The following MYT1L variants were observed in gnomAD, a reference collection of about 807,000 sequenced individuals.
MYT1L encodes the protein myelin transcription factor 1 like.
Under a neutral mutation model 126.7 loss-of-function variants are expected in MYT1L, and 12 were observed. That is an observed-to-expected ratio of 0.09 (90% CI 0.06 to 0.15). The LOEUF (loss-of-function observed/expected upper bound fraction) is 0.15. MYT1L is among the 10% of genes least tolerant of loss of function. The probability of loss-of-function intolerance (pLI) is 1.00; values close to 1 mark genes in which losing one functional copy is unlikely to be tolerated. For missense variants in MYT1L, 979 were observed against 1,585.2 expected, an observed-to-expected ratio of 0.62 and a Z score of 6.49; for synonymous variants, 541 against 604.2, an observed-to-expected ratio of 0.90 and a Z score of 1.53.
chr2:2,295,745 G>C (rs867272879), intron 1 of MYT1L, among the ~76,000 whole-genome samples: 1 of 137,614 alleles, frequency 7.3e-6, no homozygotes, highest in Non-Finnish European at 1.7e-5. Context: ...GACAGACAGA[G>C]AGAGAGAGAC....
Position 2,233,405 on chromosome 2 carries a change from G to T in MYT1L, c.-421+50999C>A, listed in dbSNP as rs35105424. 7.9e-5 allele frequency among the ~76,000 whole-genome samples: 12 copies of T among 152,090 alleles called. No individual in the cohort carries two copies. The South Asian group carries it at 1.0e-3, about 13-fold the overall frequency. On this transcript the variant is annotated intron_variant, in intron 2 of 24. Transcript: ENST00000647738. ...CGGGCTGCGGGAGCCCTAGGGTTGC[G>T]CTGTGATGCTAAAGAGCTGATGTAC...
At chr2:1,861,170 G>A (rs545235747) in intron 18 of MYT1L, among the ~76,000 whole-genome samples, 1 of 152,336 alleles carries the variant, frequency 6.6e-6, no homozygotes, top group African/African-American at 2.4e-5. Context: ...GTGTGTGCCT[G>A]GAGGGGTCCT....
intron 3 of MYT1L, among the ~76,000 whole-genome samples, chr2:2,172,654 G>A (rs1437080066): frequency 5.9e-5 from 9 of 151,852 alleles, no homozygotes; most frequent in South Asian, 2.1e-4. Context: ...CAGGAGCCCC[G>A]TGCTGGGCAG....
At chr2:2,269,163 T>G (rs1382463213) in intron 2 of MYT1L, among the ~76,000 whole-genome samples, 2 of 152,082 alleles carry the variant, frequency 1.3e-5, no homozygotes, top group Non-Finnish European at 2.9e-5. Flanking sequence ...AGATAAAGGG[T>G]GAGGATTTTT....
intron 3 of MYT1L, among the ~76,000 whole-genome samples, chr2:2,129,771 T>C (rs1453445132): frequency 1.3e-5 from 2 of 151,894 alleles, no homozygotes; most frequent in East Asian, 1.9e-4. Context: ...CCAGGTGTGG[T>C]GGCGGGCGCC....
intron 8 of MYT1L, among the ~76,000 whole-genome samples, chr2:1,976,119 CAA>C (rs10622987): frequency 1.9e-4 from 20 of 104,222 alleles, no homozygotes; most frequent in Admixed American, 2.1e-4. Flanking sequence ...GTTAAAAGAC[CAA>C]AAAAAAAAAA....
intron 16 of MYT1L, among the ~76,000 whole-genome samples, chr2:1,888,338 A>T (rs1014901361): frequency 6.6e-6 from 1 of 152,204 alleles, no homozygotes; most frequent in Non-Finnish European, 1.5e-5. Context: ...AGAAAAAAAT[A>T]CTTAGAAATT....
At chr2:1,858,530 T>TA (rs1192229042) in intron 18 of MYT1L, among the ~76,000 whole-genome samples, 1 of 152,226 alleles carries the variant, frequency 6.6e-6, no homozygotes, top group African/African-American at 2.4e-5. Flanking sequence ...CAGAGAAAGT[T>TA]AAAATGCATG....
chr2:2,197,737 A>G (rs777150507), intron 2 of MYT1L, among the ~76,000 whole-genome samples: 11 of 149,140 alleles, frequency 7.4e-5, no homozygotes, highest in Middle Eastern at 3.4e-3. Context: ...TAACACACAC[A>G]TATATACACA....
intron 2 of MYT1L, among the ~76,000 whole-genome samples, chr2:2,226,181 A>T (rs1425376886): frequency 2.0e-5 from 3 of 151,878 alleles, no homozygotes; most frequent in Non-Finnish European, 4.4e-5. Flanking sequence ...GCACCCCAAA[A>T]CTCTTCACAG....
At chr2:1,829,896 C>A (rs116152899) in intron 21 of MYT1L, among the ~76,000 whole-genome samples, 1 of 152,186 alleles carries the variant, frequency 6.6e-6, no homozygotes, top group East Asian at 1.9e-4. Context: ...CTGCACCCAG[C>A]GAACACATGG....
chr2:1,903,045 C>T (rs1352701795), intron 14 of MYT1L, 35 bp downstream of exon 14: 11 of 1,566,428 alleles, frequency 7.0e-6, no homozygotes, highest in South Asian at 2.2e-5. Context: ...TCAATGGCAA[C>T]GTGTCTCTCA....
At chr2:1,959,286 C>T (rs1350322440) in intron 8 of MYT1L, among the ~76,000 whole-genome samples, 4 of 152,188 alleles carry the variant, frequency 2.6e-5, no homozygotes, top group Non-Finnish European at 5.9e-5. Context: ...CAGGAACGAA[C>T]ATCTGCTCCT....
intron 3 of MYT1L, among the ~76,000 whole-genome samples, chr2:2,092,130 G>C (rs1440657488): frequency 6.6e-6 from 1 of 152,116 alleles, no homozygotes; most frequent in Non-Finnish European, 1.5e-5. Context: ...TCTAGCTTTT[G>C]ACCTGTCTTA....
chr2:2,081,835 G>T (rs1216312706), intron 3 of MYT1L, among the ~76,000 whole-genome samples: 1 of 152,110 alleles, frequency 6.6e-6, no homozygotes, highest in Non-Finnish European at 1.5e-5. Flanking sequence ...CGCCTCCTGG[G>T]TTCAAGCGAT....
chr2:2,061,261 CTGGCTGTGGGGGCCGCAG>C (rs886895398), intron 3 of MYT1L, among the ~76,000 whole-genome samples: 1 of 152,130 alleles, frequency 6.6e-6, no homozygotes, highest in African/African-American at 2.4e-5. Context: ...ACCCTGCAGC[CTGGCTGTGGGGGCCGCAG>C]TGGCTGAGGG....
chr2:2,269,478 T>G (rs1263425388), intron 2 of MYT1L, among the ~76,000 whole-genome samples: 1 of 152,156 alleles, frequency 6.6e-6, no homozygotes, highest in Non-Finnish European at 1.5e-5. Context: ...CGGATGTGAG[T>G]GCTTTATATG....
At chr2:1,813,513 G>C (rs747136750) in intron 21 of MYT1L, among the ~76,000 whole-genome samples, 1 of 152,178 alleles carries the variant, frequency 6.6e-6, no homozygotes, top group African/African-American at 2.4e-5. Flanking sequence ...GTGAGGAACC[G>C]GGCCGTACAG....
At chr2:1,839,413 G>T (rs372435818) in intron 20 of MYT1L, 43 bp from the exon 21 acceptor site, 1 of 1,538,398 alleles carries the variant, frequency 6.5e-7, no homozygotes, top group Non-Finnish European at 8.9e-7. Flanking sequence ...TCTGGCCACC[G>T]TCGCCTGGTG....
Sources: allele counts gnomAD v4.1 joint callset (sites outside exome capture counted in the v4.1 genomes callset), GRCh38; gene constraint gnomAD v4.1.1; transcripts MANE v1.5; gene names NCBI Gene and HGNC (gene_info 2026-07-23, HGNC 2026-07-21).